The following ZNF721 variants were observed in gnomAD, a reference collection of about 807,000 sequenced individuals.
ZNF721 encodes the protein zinc finger protein 721.
In ZNF721, 2 loss-of-function variants were observed where a neutral mutation model predicts 2.4. The observed-to-expected ratio is 0.82, with a 90% CI of 0.34 to 2.58. The LOEUF is 2.58. Ranked by LOEUF, ZNF721 falls within the 30% of genes most tolerant of loss-of-function variation. The pLI is 0.11. For synonymous variants in ZNF721, 398 were observed against 381.8 expected (o/e 1.04, Z -0.50); for missense variants, 1,187 against 1,085.5 (o/e 1.09, Z -1.31).
intron 1 of ZNF721, among the ~76,000 whole-genome samples, chr4:490,528 G>C (rs1553871336): frequency 1.3e-5 from 2 of 151,826 alleles, no homozygotes; most frequent in African/African-American, 4.8e-5. Flanking sequence ...AATTTCACTT[G>C]TTTCTTTTTA....
intron 1 of ZNF721, among the ~76,000 whole-genome samples, chr4:473,788 C>T (rs1209388428): frequency 1.3e-5 from 2 of 152,342 alleles, no homozygotes; most frequent in African/African-American, 4.8e-5. Flanking sequence ...ACAAGGAGGG[C>T]TGCAGGCTGG....
chr4:443,666 AT>A lies in ZNF721; in HGVS notation c.800del (p.His267LeufsTer14), dbSNP rs1553863706. 6.2e-7 allele frequency: 1 copy of A among 1,613,870 alleles called. No individual in the cohort carries two copies. Among genetic ancestry groups the A allele is most frequent in the Non-Finnish European group, 8.5e-7 (1 of 1,179,950 alleles). ...GTTTCTCGCCAGTATGAATCCTCTT[AT>A]GTTTAGCAAAGCTTGAGGATGAGGA... ...VISSSSSFAK[H>X]KRIHTGEKPF... On this transcript the variant is annotated frameshift_variant, in exon 3 of 3. Coordinates refer to ENST00000511833, the MANE Select transcript of ZNF721 (RefSeq NM_133474.4). LOFTEE classifies it low-confidence loss of function (END_TRUNC).
At chr4:494,890 CTTAT>C in intron 1 of ZNF721, among the ~76,000 whole-genome samples, 1 of 110,662 alleles carries the variant, frequency 9.0e-6, no homozygotes, top group Admixed American at 1.3e-4. Context: ...TTACAGTGCA[CTTAT>C]TTTTTTTTTT....
intron 2 of ZNF721, among the ~76,000 whole-genome samples, chr4:462,777 T>G (rs1265788029): frequency 6.6e-6 from 1 of 152,180 alleles, no homozygotes; most frequent in Non-Finnish European, 1.5e-5. Flanking sequence ...GACGTAAATG[T>G]AAGGCCTAAA....
intron 1 of ZNF721, chr4:474,102 G>C: frequency 1.6e-6 from 2 of 1,280,226 alleles, no homozygotes; most frequent in Non-Finnish European, 2.1e-6. Flanking sequence ...AGGTGTGGAA[G>C]CAGGGAAGTG....
In ZNF721 at chr4:440,609, T is replaced by G. The variant is rs1714201014; in HGVS notation, c.*1086A>C. On this transcript the variant is annotated 3_prime_UTR_variant, in exon 3 of 3. Coordinates refer to ENST00000511833, the MANE Select transcript of ZNF721 (RefSeq NM_133474.4). ...GTCTTAATTTTAGCCTAAATATTTC[T>G]TCACATTTACTGCACCTACAAATTA... 1 of 152,226 alleles carries G rather than the reference T, an allele frequency of 6.6e-6. No homozygotes were observed. The highest frequency in any genetic ancestry group is 6.5e-5 in the Admixed American group (1 of 15,276). 9.4% of individuals were successfully genotyped at this position (152,226 alleles called of 1,614,324 possible).
chr4:473,971 G>C (rs1553868162), intron 1 of ZNF721: 1 of 1,505,872 alleles, frequency 6.6e-7, no homozygotes. Context: ...GCCCTGCCCC[G>C]CACACTCACC....
At chr4:493,184 A>T (rs1716068663) in intron 1 of ZNF721, among the ~76,000 whole-genome samples, 1 of 151,980 alleles carries the variant, frequency 6.6e-6, no homozygotes, top group African/African-American at 2.4e-5. Context: ...AAAAAAAAAA[A>T]AAAAAATATG....
chr4:474,986 A>T (rs1715589442), intron 1 of ZNF721, among the ~76,000 whole-genome samples: 1 of 152,054 alleles, frequency 6.6e-6, no homozygotes, highest in South Asian at 2.1e-4. Context: ...CCGGAGATCG[A>T]GACCATCCTG....
chr4:477,132 C>G (rs1715644118), intron 1 of ZNF721, among the ~76,000 whole-genome samples: 2 of 152,154 alleles, frequency 1.3e-5, no homozygotes, highest in South Asian at 4.1e-4. Flanking sequence ...ATCTATTTTC[C>G]TCCCTTCTGG....
chr4:448,311 C>A (rs1333506924), intron 2 of ZNF721, among the ~76,000 whole-genome samples: 1 of 151,898 alleles, frequency 6.6e-6, no homozygotes, highest in East Asian at 1.9e-4. Flanking sequence ...TGGTGGGTGA[C>A]TGTAGTCCCA....
chr4:456,206 G>T (rs1238764868), intron 2 of ZNF721, among the ~76,000 whole-genome samples: 1 of 152,020 alleles, frequency 6.6e-6, no homozygotes, highest in African/African-American at 2.4e-5. Context: ...GAGTAGCTGG[G>T]ATTACAGGCA....
chr4:441,394 A>G lies in ZNF721; in HGVS notation c.*301T>C. 4.3e-6 allele frequency: 1 copy of G among 235,094 alleles called. No homozygotes were observed. The highest frequency in any genetic ancestry group is 2.3e-5 in the African/African-American group (1 of 44,312). The allele number at this position is 235,094 out of a possible 1,614,324, so 14.6% of individuals were successfully genotyped here. A position where few individuals can be genotyped will look rare whatever the true frequency, so the allele number is the denominator to read the frequency against. ...TTTTGTATTTCCAGGTGTTTTCTTC[A>G]GTAGGAATTACATTAAGAACTGACT... On this transcript the variant is annotated 3_prime_UTR_variant, in exon 3 of 3. Transcript: ENST00000511833.
intron 1 of ZNF721, among the ~76,000 whole-genome samples, chr4:489,389 C>G (rs1217909954): frequency 1.3e-5 from 2 of 152,332 alleles, no homozygotes; most frequent in East Asian, 1.9e-4. Context: ...CTTAATAAAT[C>G]CTACTCTGCT....
At chr4:476,096 A>T (rs557286953) in intron 1 of ZNF721, among the ~76,000 whole-genome samples, 1 of 152,342 alleles carries the variant, frequency 6.6e-6, no homozygotes, top group Admixed American at 6.5e-5. Flanking sequence ...ATCCAAAATG[A>T]TACCACTGAA....
intron 1 of ZNF721, among the ~76,000 whole-genome samples, chr4:479,558 C>T (rs2108717381): frequency 6.6e-6 from 1 of 152,332 alleles, no homozygotes; most frequent in Middle Eastern, 3.4e-3. Context: ...CAGGGGGCTG[C>T]AGGCACAGAT....
At chr4:451,274 C>G (rs936005548) in intron 2 of ZNF721, among the ~76,000 whole-genome samples, 8 of 152,136 alleles carry the variant, frequency 5.3e-5, no homozygotes, top group African/African-American at 1.4e-4. Flanking sequence ...CCCTTGACGT[C>G]TTCAGCCAGC....
chr4:440,291 T>A lies in ZNF721; in HGVS notation c.*1404A>T, dbSNP rs1293592884. On this transcript the variant is annotated 3_prime_UTR_variant, in exon 3 of 3. Transcript: ENST00000511833. Reference sequence around the variant, plus strand: ...ATAATGCCCACCTAATGCAAAGGAGTTTCTCATATCTCTGACGCAGCAACA... The same window carrying A: ...ATAATGCCCACCTAATGCAAAGGAGATTCTCATATCTCTGACGCAGCAACA... 1.3e-5 allele frequency: 2 copies of A among 152,178 alleles called. No individual in the cohort carries two copies. The highest frequency in any genetic ancestry group is 2.4e-5 in the African/African-American group (1 of 41,450). The allele number at this position is 152,178 out of a possible 1,614,324, so 9.4% of individuals were successfully genotyped here.
chr4:493,517 A>G (rs1414733344), intron 1 of ZNF721, among the ~76,000 whole-genome samples: 1 of 152,130 alleles, frequency 6.6e-6, no homozygotes, highest in African/African-American at 2.4e-5. Context: ...TTTCTTTACT[A>G]AAAATACAAA....
Sources: allele counts gnomAD v4.1 joint callset (sites outside exome capture counted in the v4.1 genomes callset), GRCh38; gene constraint gnomAD v4.1.1; transcripts MANE v1.5; gene names NCBI Gene and HGNC (gene_info 2026-07-23, HGNC 2026-07-21).